Variants in LTBP2 observed in about 807,000 individuals in gnomAD.
LTBP2 encodes the protein latent transforming growth factor beta binding protein 2.
In LTBP2, 103 loss-of-function variants were observed where a neutral mutation model predicts 210.6. That is an observed-to-expected ratio of 0.49 (90% confidence interval 0.42 to 0.58). The LOEUF (loss-of-function observed/expected upper bound fraction) is 0.58, where lower values mean the gene tolerates loss of function less well. Among genes scored for constraint, LTBP2 ranks in the 20% least tolerant of loss-of-function variants. The probability of loss-of-function intolerance (pLI) is 0.00; values close to 1 mark genes in which losing one functional copy is unlikely to be tolerated. For synonymous variants in LTBP2, 1,007 were observed against 1,015.0 expected (o/e 0.99, Z 0.15); for missense variants, 2,313 against 2,494.5 (o/e 0.93, Z 1.55).
At chr14:74,525,046 C>T in intron 15 of LTBP2, 78 bp downstream of exon 15, 4 of 779,692 alleles carry the variant, frequency 5.1e-6, no homozygotes, top group Non-Finnish European at 5.6e-6. Context: ...ATTCATGCCC[C>T]TGCCCTGGAG....
chr14:74,602,766 C>G (rs1301919201), intron 2 of LTBP2, among the ~76,000 whole-genome samples: 4 of 152,222 alleles, frequency 2.6e-5, no homozygotes, highest in Admixed American at 1.3e-4. Flanking sequence ...AATAAGATGG[C>G]TTTTCTCTCC....
intron 18 of LTBP2, among the ~76,000 whole-genome samples, chr14:74,511,639 G>A (rs1414003663): frequency 6.6e-6 from 1 of 152,214 alleles, no homozygotes; most frequent in Non-Finnish European, 1.5e-5. Context: ...GAGGGTCAGA[G>A]GCTCCACTTT....
chr14:74,572,561 T>C (rs2087998914), intron 3 of LTBP2, among the ~76,000 whole-genome samples: 1 of 151,982 alleles, frequency 6.6e-6, no homozygotes, highest in Non-Finnish European at 1.5e-5. Context: ...GATTTAAAGA[T>C]GGAGTAACTG....
At chr14:74,553,613 G>T (rs2087688653) in intron 4 of LTBP2, among the ~76,000 whole-genome samples, 1 of 152,136 alleles carries the variant, frequency 6.6e-6, no homozygotes, top group African/African-American at 2.4e-5. Flanking sequence ...CACTTTATTT[G>T]GTGGGTGATG....
intron 1 of LTBP2, among the ~76,000 whole-genome samples, chr14:74,604,591 G>C (rs2088498322): frequency 6.6e-6 from 1 of 151,126 alleles, no homozygotes; most frequent in African/African-American, 2.4e-5. Flanking sequence ...TATCGCCCAG[G>C]CTGGAGTGCA....
chr14:74,504,491 C>T (rs967857988), intron 30 of LTBP2, among the ~76,000 whole-genome samples: 3 of 152,190 alleles, frequency 2.0e-5, no homozygotes, highest in African/African-American at 7.2e-5. Flanking sequence ...GTCCCTGTGC[C>T]CACATGTGGC....
intron 3 of LTBP2, among the ~76,000 whole-genome samples, chr14:74,573,575 T>G (rs1381096621): frequency 6.6e-6 from 1 of 152,230 alleles, no homozygotes; most frequent in Non-Finnish European, 1.5e-5. Flanking sequence ...TCCTATAGCC[T>G]GAGCTACCCT....
chr14:74,610,079 A>G (rs2088583493), intron 1 of LTBP2, among the ~76,000 whole-genome samples: 1 of 152,210 alleles, frequency 6.6e-6, no homozygotes, highest in Admixed American at 6.5e-5. Flanking sequence ...ACAGATACCT[A>G]GAGAATACCA....
At chr14:74,573,663 C>T (rs1323211898) in intron 3 of LTBP2, among the ~76,000 whole-genome samples, 1 of 152,210 alleles carries the variant, frequency 6.6e-6, no homozygotes, top group African/African-American at 2.4e-5. Context: ...CCCTGGGATA[C>T]TCCACCATTA....
intron 1 of LTBP2, among the ~76,000 whole-genome samples, chr14:74,604,228 T>C (rs977075475): frequency 6.8e-6 from 1 of 146,556 alleles, no homozygotes; most frequent in African/African-American, 2.6e-5. Flanking sequence ...CTACCAATGC[T>C]GACGATCCAA....
At chr14:74,523,940 C>T (rs2087239332) in intron 15 of LTBP2, among the ~76,000 whole-genome samples, 1 of 152,116 alleles carries the variant, frequency 6.6e-6, no homozygotes, top group South Asian at 2.1e-4. Context: ...CTACCCTCTC[C>T]CCGGGCCTGG....
intron 3 of LTBP2, among the ~76,000 whole-genome samples, chr14:74,582,389 CACATACAT>C (rs1339612712): frequency 7.9e-4 from 81 of 103,090 alleles, no homozygotes; most frequent in African/African-American, 2.4e-3. Flanking sequence ...TGCACACACA[CACATACAT>C]ACACACACAC....
At chr14:74,533,642 G>A (rs1276671953) in intron 9 of LTBP2, among the ~76,000 whole-genome samples, 3 of 152,160 alleles carry the variant, frequency 2.0e-5, no homozygotes, top group Admixed American at 6.5e-5. Flanking sequence ...GCACATCTTC[G>A]GGTCCTCCTG....
At chr14:74,503,886 G>T (rs1011871225) in intron 31 of LTBP2, 40 bp downstream of exon 31, 6 of 1,612,728 alleles carry the variant, frequency 3.7e-6, no homozygotes, top group African/African-American at 1.3e-5. Flanking sequence ...TTATTCAGCT[G>T]TGGGCCTGGG....
At chr14:74,581,237 G>A (rs1019363000) in intron 3 of LTBP2, among the ~76,000 whole-genome samples, 1 of 152,266 alleles carries the variant, frequency 6.6e-6, no homozygotes, top group Non-Finnish European at 1.5e-5. Flanking sequence ...GTGAGTGGGT[G>A]TGGTTGGCCC....
intron 9 of LTBP2, among the ~76,000 whole-genome samples, chr14:74,533,017 G>A (rs1417216702): frequency 6.6e-6 from 1 of 152,088 alleles, no homozygotes; most frequent in African/African-American, 2.4e-5. Context: ...TTTTTGTACT[G>A]TATTTTTTGT....
At chr14:74,529,235 G>T in intron 10 of LTBP2, 113 bp from the exon 11 acceptor site, 1 of 1,267,308 alleles carries the variant, frequency 7.9e-7, no homozygotes, top group Non-Finnish European at 1.1e-6. Flanking sequence ...GACTGGCCTG[G>T]CCCATATCTC....
At chr14:74,516,765 G>T in intron 18 of LTBP2, 57 bp downstream of exon 18, 1 of 1,537,744 alleles carries the variant, frequency 6.5e-7, no homozygotes, top group South Asian at 1.2e-5. Flanking sequence ...GCAGTGCGTA[G>T]GGAGGGACAG....
chr14:74,508,706 C>T lies in LTBP2; in HGVS notation c.3550G>A (p.Glu1184Lys). Residue 1184 changes from glutamate (E) to lysine (K), a missense_variant, in exon 24 of 36, where the codon GAG (glutamate) becomes AAG (lysine). This residue lies in a region of LTBP2 where 1,867 missense variants were observed against 1,976.9 expected (regional missense o/e 0.94). Transcript: ENST00000261978. Reference sequence around the variant, plus strand: ...CACTCGCCGTGGGGTGCGCAGTGCTCCTCCCCCATGCACTCATTCACATCT... The same window carrying T: ...CACTCGCCGTGGGGTGCGCAGTGCTTCTCCCCCATGCACTCATTCACATCT... ...CEDVNECMGEEHCAPHGECLN... is the reference protein window; with the variant it reads ...CEDVNECMGEKHCAPHGECLN... 3.1e-6 allele frequency: 5 copies of T among 1,613,814 alleles called. No homozygotes were observed. Among genetic ancestry groups the T allele is most frequent in the East Asian group, 2.2e-5 (1 of 44,886 alleles).
Sources: gnomAD v4.1 joint callset for allele counts (sites outside exome capture counted in the v4.1 genomes callset) on GRCh38, gnomAD v4.1.1 for gene constraint, gnomAD v4.1.1 regional missense constraint, MANE v1.5 for transcripts, NCBI Gene and HGNC (gene_info 2026-07-23, HGNC 2026-07-21) for gene names.